ATRNL1: variants seen among roughly 807,000 people sequenced by gnomAD.
ATRNL1 encodes the protein attractin like 1.
Under a neutral mutation model 182.7 loss-of-function variants are expected in ATRNL1, and 95 were observed. The ratio of observed to expected loss-of-function variants is 0.52; its 90% CI spans 0.44 to 0.62. ATRNL1 has a LOEUF of 0.62. Ranked by LOEUF, ATRNL1 falls within the 20% of genes least tolerant of loss-of-function variation. The pLI is 0.00. For synonymous variants in ATRNL1, 576 were observed against 568.3 expected (o/e 1.01, Z -0.19); for missense variants, 1,471 against 1,679.5 (o/e 0.88, Z 2.17).
At chr10:115,558,071 A>AAC (rs529845875) in intron 26 of ATRNL1, among the ~76,000 whole-genome samples, 9 of 151,632 alleles carry the variant, frequency 5.9e-5, no homozygotes, top group African/African-American at 1.7e-4. Flanking sequence ...AAAACAAAAA[A>AAC]AAAAAACCAT....
At chr10:115,306,232 CAT>C (rs1340866573) in intron 17 of ATRNL1, among the ~76,000 whole-genome samples, 1 of 151,984 alleles carries the variant, frequency 6.6e-6, no homozygotes, top group African/African-American at 2.4e-5. Flanking sequence ...TAAATTGTGA[CAT>C]AAACTTTTGA....
At chr10:115,172,463 C>T (rs1384448799) in intron 8 of ATRNL1, among the ~76,000 whole-genome samples, 5 of 151,968 alleles carry the variant, frequency 3.3e-5, no homozygotes, top group Non-Finnish European at 5.9e-5. Flanking sequence ...TAAATATGCA[C>T]TTAAGTACTT....
intron 5 of ATRNL1, among the ~76,000 whole-genome samples, chr10:115,158,987 G>A (rs1032162141): frequency 6.6e-6 from 1 of 151,730 alleles, no homozygotes; most frequent in Non-Finnish European, 1.5e-5. Context: ...TTTGTAAAAA[G>A]TAGGTTGAAG....
At chr10:115,297,848 A>G (rs1319632852) in intron 15 of ATRNL1, among the ~76,000 whole-genome samples, 1 of 152,054 alleles carries the variant, frequency 6.6e-6, no homozygotes, top group Non-Finnish European at 1.5e-5. Context: ...ATAACCTTGA[A>G]ATGTGCTTTT....
chr10:115,401,089 T>C (rs1844542177), intron 20 of ATRNL1, among the ~76,000 whole-genome samples: 1 of 152,002 alleles, frequency 6.6e-6, no homozygotes. Context: ...TTGGTGGAGA[T>C]GGAATAGCAC....
At chr10:115,449,531 T>G (rs181183476) in intron 21 of ATRNL1, among the ~76,000 whole-genome samples, 35 of 152,294 alleles carry the variant, frequency 2.3e-4, no homozygotes, top group African/African-American at 7.5e-4. Context: ...ATTTAACACT[T>G]AAGCCTTCCG....
chr10:115,911,536 C>T (rs1589682300), intron 28 of ATRNL1, among the ~76,000 whole-genome samples: 1 of 152,070 alleles, frequency 6.6e-6, no homozygotes, highest in Admixed American at 6.6e-5. Flanking sequence ...ACAGGCTGGT[C>T]CCGAACTCCT....
chr10:115,425,120 C>G (rs908928613), intron 20 of ATRNL1, among the ~76,000 whole-genome samples: 12 of 151,904 alleles, frequency 7.9e-5, no homozygotes, highest in Non-Finnish European at 1.2e-4. Flanking sequence ...AACTAGCTAG[C>G]ACATGGCTGA....
intron 27 of ATRNL1, among the ~76,000 whole-genome samples, chr10:115,746,544 A>C (rs2960644): frequency 0.95 from 144,460 of 152,032 alleles, 69,050 homozygotes; most frequent in East Asian, 1. Flanking sequence ...TAGGTTTTGC[A>C]TAATGGAAGT....
chr10:115,398,188 T>C (rs1345585524), intron 20 of ATRNL1, among the ~76,000 whole-genome samples: 1 of 151,864 alleles, frequency 6.6e-6, no homozygotes, highest in Non-Finnish European at 1.5e-5. Context: ...GAGCATTCCT[T>C]GTATTGTACC....
At chr10:115,170,102 C>A (rs1554885190) in intron 7 of ATRNL1, among the ~76,000 whole-genome samples, 3 of 152,098 alleles carry the variant, frequency 2.0e-5, no homozygotes, top group African/African-American at 7.2e-5. Flanking sequence ...TATTTTACTT[C>A]TTCTTTCCAA....
chr10:115,101,511 T>G (rs1843767270), intron 1 of ATRNL1, among the ~76,000 whole-genome samples: 1 of 152,204 alleles, frequency 6.6e-6, no homozygotes, highest in African/African-American at 2.4e-5. Context: ...ATGTACATAA[T>G]TTTTGAATGT....
intron 21 of ATRNL1, among the ~76,000 whole-genome samples, chr10:115,448,136 A>G (rs138304428): frequency 3.9e-4 from 60 of 152,172 alleles, no homozygotes; most frequent in African/African-American, 1.1e-3. Flanking sequence ...TTAATGTAAT[A>G]AATTCTGGAT....
At chr10:115,208,839 T>C (rs1213820357) in intron 8 of ATRNL1, among the ~76,000 whole-genome samples, 1 of 152,034 alleles carries the variant, frequency 6.6e-6, no homozygotes, top group Admixed American at 6.6e-5. Context: ...TCTTTCTTTT[T>C]TTTATTATTA....
intron 19 of ATRNL1, among the ~76,000 whole-genome samples, chr10:115,393,767 T>C (rs535197196): frequency 1.3e-5 from 2 of 152,092 alleles, no homozygotes; most frequent in Non-Finnish European, 2.9e-5. Context: ...ACAAGAAAGA[T>C]TATACATGTA....
intron 10 of ATRNL1, among the ~76,000 whole-genome samples, chr10:115,248,456 A>G (rs994799295): frequency 1.3e-4 from 20 of 152,228 alleles, no homozygotes; most frequent in Non-Finnish European, 7.3e-5. Flanking sequence ...TTAATAAACT[A>G]TGATCAAGTA....
intron 26 of ATRNL1, among the ~76,000 whole-genome samples, chr10:115,583,744 C>G (rs532973543): frequency 3.1e-4 from 47 of 150,564 alleles, no homozygotes; most frequent in African/African-American, 9.9e-4. Flanking sequence ...CCCTTTATTT[C>G]CTTCTCCTGT....
chr10:115,237,186 A>G (rs995531008), intron 9 of ATRNL1, among the ~76,000 whole-genome samples: 4 of 152,218 alleles, frequency 2.6e-5, no homozygotes, highest in Non-Finnish European at 4.4e-5. Context: ...TTTGACAATT[A>G]TGAATAAAGC....
chr10:115,605,472 C>A (rs1856822406), intron 26 of ATRNL1, among the ~76,000 whole-genome samples: 1 of 152,014 alleles, frequency 6.6e-6, no homozygotes, highest in South Asian at 2.1e-4. Flanking sequence ...AGATTACTTA[C>A]ATTTATTTTC....
Sources: allele counts gnomAD v4.1 joint callset (sites outside exome capture counted in the v4.1 genomes callset), GRCh38; gene constraint gnomAD v4.1.1; transcripts MANE v1.5; gene names NCBI Gene and HGNC (gene_info 2026-07-23, HGNC 2026-07-21).